LRP1B: variants seen among roughly 807,000 people sequenced by gnomAD.
LRP1B encodes the protein LDL receptor related protein 1B.
A neutral mutation model predicts 556.6 loss-of-function variants in LRP1B; 217 were observed. The ratio of observed to expected loss-of-function variants is 0.39; its 90% CI spans 0.35 to 0.44. LRP1B has a LOEUF of 0.44. Among genes scored for constraint, LRP1B ranks in the 20% least tolerant of loss-of-function variants. The pLI is 1.00. For synonymous variants in LRP1B, 2,047 were observed against 1,865.8 expected (o/e 1.10, Z -2.50); for missense variants, 5,053 against 5,620.8 (o/e 0.90, Z 3.23).
At chr2:141,795,171 G>A (rs1278993073) in intron 2 of LRP1B, among the ~76,000 whole-genome samples, 5 of 152,176 alleles carry the variant, frequency 3.3e-5, no homozygotes, top group African/African-American at 4.8e-5. Flanking sequence ...GGCAAGCACC[G>A]TAGTACGATC....
intron 1 of LRP1B, among the ~76,000 whole-genome samples, chr2:141,867,818 A>G (rs1006597978): frequency 6.6e-6 from 1 of 152,084 alleles, no homozygotes; most frequent in Admixed American, 6.6e-5. Context: ...CTTATATCCT[A>G]TTGTATGTAT....
At chr2:141,177,063 T>G (rs1680767864) in intron 7 of LRP1B, among the ~76,000 whole-genome samples, 1 of 152,060 alleles carries the variant, frequency 6.6e-6, no homozygotes, top group South Asian at 2.1e-4. Flanking sequence ...TAGATATAAC[T>G]ACTGAAATGT....
chr2:141,363,351 T>C (rs749365252), intron 3 of LRP1B, among the ~76,000 whole-genome samples: 3 of 152,156 alleles, frequency 2.0e-5, no homozygotes, highest in Non-Finnish European at 2.9e-5. Flanking sequence ...TCTTTCTCTA[T>C]TGAGGGCTGT....
intron 3 of LRP1B, among the ~76,000 whole-genome samples, chr2:141,416,570 C>T (rs1691114293): frequency 6.6e-6 from 1 of 150,772 alleles, no homozygotes; most frequent in Non-Finnish European, 1.5e-5. Context: ...TCTCCTGCCT[C>T]TACCTCCTGA....
At position 141,274,253 on chromosome 2, in the gene LRP1B, G is replaced by C. The variant is rs193052518; in HGVS notation, c.344-19612C>G. On this transcript the variant is annotated intron_variant, in intron 3 of 90. Coordinates refer to ENST00000389484, the MANE Select transcript of LRP1B (RefSeq NM_018557.3). ...TTAGAACACACAAAAACTTGTATAT[G>C]AATATTCATAGCAGAGTTACTTACA... Among the ~76,000 whole-genome samples, 235 of 152,210 alleles carry C rather than the reference G, an allele frequency of 1.5e-3. 1 individual carries two copies. The highest frequency in any genetic ancestry group is 5.2e-3 in the African/African-American group (215 of 41,548).
chr2:140,276,565 T>C (rs1389225291), intron 84 of LRP1B, among the ~76,000 whole-genome samples: 1 of 151,892 alleles, frequency 6.6e-6, no homozygotes, highest in Non-Finnish European at 1.5e-5. Flanking sequence ...TATGTGATCA[T>C]CCAGGACAGC....
At chr2:141,304,066 T>G (rs1686493711) in intron 3 of LRP1B, among the ~76,000 whole-genome samples, 1 of 152,180 alleles carries the variant, frequency 6.6e-6, no homozygotes, top group Non-Finnish European at 1.5e-5. Flanking sequence ...TGTATTCTTT[T>G]GAGAAATATT....
chr2:140,247,261 C>G, intron 86 of LRP1B, 99 bp from the exon 87 acceptor site: 1 of 744,134 alleles, frequency 1.3e-6, no homozygotes. Context: ...GTTACAGGAG[C>G]CAGTCATCAC....
chr2:141,292,626 G>T (rs1270516954), intron 3 of LRP1B, among the ~76,000 whole-genome samples: 1 of 152,066 alleles, frequency 6.6e-6, no homozygotes, highest in Non-Finnish European at 1.5e-5. Flanking sequence ...TGGGAAAATG[G>T]CACTTTCCCT....
At chr2:141,706,432 TTCAA>T (rs1296264662) in intron 2 of LRP1B, among the ~76,000 whole-genome samples, 1 of 152,096 alleles carries the variant, frequency 6.6e-6, no homozygotes, top group Non-Finnish European at 1.5e-5. Flanking sequence ...CATTTTTGTG[TTCAA>T]TCAAATGCAT....
intron 9 of LRP1B, among the ~76,000 whole-genome samples, chr2:141,055,803 T>TGA (rs1699165299): frequency 7.4e-4 from 2 of 2,710 alleles, no homozygotes; most frequent in South Asian, 0.059. Flanking sequence ...TACCACAAAA[T>TGA]GTGTGTGTGT....
chr2:141,240,806 T>A (rs958319130), intron 5 of LRP1B, among the ~76,000 whole-genome samples: 1 of 152,030 alleles, frequency 6.6e-6, no homozygotes, highest in Non-Finnish European at 1.5e-5. Flanking sequence ...ACACGGAAGT[T>A]CTCAGCCAGA....
Position 140,904,749 on chromosome 2 carries a change from A to G in LRP1B, c.3521-1584T>C, listed in dbSNP as rs574265007. ...CACCCATAATCATAAGCATCTTAAA[A>G]CAGCAGTCATTTCAAAGTATTTGCC... On this transcript the variant is annotated intron_variant, in intron 22 of 90. Coordinates refer to ENST00000389484, the MANE Select transcript of LRP1B (RefSeq NM_018557.3). Among the ~76,000 whole-genome samples the G allele has an allele frequency of 9.5e-4, 144 of 152,268 alleles. 2 individuals carry two copies. Among genetic ancestry groups the G allele is most frequent in the Non-Finnish European group, 1.2e-3 (80 of 68,008 alleles).
In LRP1B at chr2:140,583,171, C is replaced by CTTTTCTTTTTTTTTT. The variant is rs1553491151; in HGVS notation, c.7194+15459_7194+15460insAAAAAAAAAAGAAAA. On this transcript the variant is annotated intron_variant, in intron 43 of 90. Coordinates refer to ENST00000389484, the MANE Select transcript of LRP1B (RefSeq NM_018557.3). ...CTATTGACAGTTTCTCCTTTTTTTT[C>CTTTTCTTTTTTTTTT]TTTTTTTTTTTTTTTTTTTTTTGAG... Among the ~76,000 whole-genome samples the CTTTTCTTTTTTTTTT allele has an allele frequency of 1.3e-3, 61 of 48,010 alleles. 1 individual carries two copies. Among genetic ancestry groups the CTTTTCTTTTTTTTTT allele is most frequent in the African/African-American group, 3.5e-3 (57 of 16,240 alleles). 31.5% of individuals were successfully genotyped at this position (48,010 alleles called of 152,430 possible).
At chr2:141,569,785 T>TA in intron 2 of LRP1B, among the ~76,000 whole-genome samples, 1 of 151,120 alleles carries the variant, frequency 6.6e-6, no homozygotes, top group South Asian at 2.1e-4. Flanking sequence ...ATGTTATCAT[T>TA]AAAAAAATAA....
chr2:141,369,934 C>T (rs1689169257), intron 3 of LRP1B, among the ~76,000 whole-genome samples: 1 of 152,166 alleles, frequency 6.6e-6, no homozygotes, highest in African/African-American at 2.4e-5. Flanking sequence ...AAGACAATGT[C>T]CTTCAGTTCC....
At chr2:141,244,502 AAAG>A (rs1365069570) in intron 5 of LRP1B, among the ~76,000 whole-genome samples, 1 of 152,162 alleles carries the variant, frequency 6.6e-6, no homozygotes, top group Non-Finnish European at 1.5e-5. Context: ...CAGGCAACTG[AAAG>A]AAGGACTGGC....
chr2:141,162,493 TCATACTGCCTGCGGTAC>T (rs1680080097), intron 7 of LRP1B, among the ~76,000 whole-genome samples: 1 of 152,072 alleles, frequency 6.6e-6, no homozygotes, highest in Non-Finnish European at 1.5e-5. Context: ...AGCCTGCATC[TCATACTGCCTGCGGTAC>T]TATGAGTCAT....
At chr2:141,635,341 A>T (rs1464546525) in intron 2 of LRP1B, among the ~76,000 whole-genome samples, 2 of 152,098 alleles carry the variant, frequency 1.3e-5, no homozygotes, top group Non-Finnish European at 2.9e-5. Flanking sequence ...GTTACCTAAG[A>T]GTGTGGCAAG....
Sources: gnomAD v4.1 joint callset for allele counts (sites outside exome capture counted in the v4.1 genomes callset) on GRCh38, gnomAD v4.1.1 for gene constraint, MANE v1.5 for transcripts, NCBI Gene and HGNC (gene_info 2026-07-23, HGNC 2026-07-21) for gene names.